Variants in STPG2 observed in about 807,000 individuals in gnomAD.
The protein encoded by STPG2 is sperm tail PG-rich repeat containing 2.
In STPG2, 56 loss-of-function variants were observed where a neutral mutation model predicts 54.2. That is an observed-to-expected ratio of 1.03 (90% CI 0.83 to 1.29). The LOEUF (loss-of-function observed/expected upper bound fraction) is 1.29, where lower values mean the gene tolerates loss of function less well. Ranked by LOEUF, STPG2 falls within the 50% of genes most tolerant of loss-of-function variation. STPG2 has a pLI of 0.00. For missense variants in STPG2, 596 were observed against 544.9 expected (o/e 1.09, Z -0.93); for synonymous variants, 200 against 181.8 (o/e 1.10, Z -0.81).
At chr4:97,706,850 A>G (rs1723959550) in intron 10 of STPG2, among the ~76,000 whole-genome samples, 1 of 152,196 alleles carries the variant, frequency 6.6e-6, no homozygotes, top group Non-Finnish European at 1.5e-5. Context: ...AGAAAATGGA[A>G]ACGATGAATG....
intron 5 of STPG2, among the ~76,000 whole-genome samples, chr4:98,076,049 C>G (rs1738155473): frequency 6.6e-6 from 1 of 152,130 alleles, no homozygotes; most frequent in African/African-American, 2.4e-5. Context: ...TTGAGACCAT[C>G]CTGGCTAACA....
intron 4 of STPG2, among the ~76,000 whole-genome samples, chr4:97,528,413 T>C (rs1324422103): frequency 1.3e-5 from 2 of 152,194 alleles, no homozygotes; most frequent in Admixed American, 1.3e-4. Context: ...CTTTGGAGTA[T>C]AGTTTGAAGT....
chr4:97,444,305 C>A lies in STPG2; in HGVS notation c.463-256472G>T, dbSNP rs201457419. Among the ~76,000 whole-genome samples, 434 of 152,178 alleles carry A rather than the reference C, an allele frequency of 2.9e-3. 3 individuals carry two copies. Among genetic ancestry groups the A allele is most frequent in the African/African-American group, 9.8e-3 (408 of 41,544 alleles). ...CAATCCACACAATCCAGAGTATTAA[C>A]AAACACCAAGGAGAATTGGGGCAGA... On this transcript the variant is annotated intron_variant, in intron 4 of 4. Coordinates refer to the STPG2 transcript ENST00000522676.
chr4:97,849,737 G>C (rs1277275525), intron 8 of STPG2, among the ~76,000 whole-genome samples: 17 of 151,444 alleles, frequency 1.1e-4, no homozygotes, highest in East Asian at 3.9e-4. Flanking sequence ...TCTCACACCA[G>C]TTAGAATGGC....
intron 9 of STPG2, among the ~76,000 whole-genome samples, chr4:97,832,873 A>C (rs886586020): frequency 5.3e-5 from 8 of 152,324 alleles, no homozygotes; most frequent in African/African-American, 1.9e-4. Flanking sequence ...ACACAAATAA[A>C]TGGAAATACA....
At chr4:97,695,828 T>C (rs1016717731) in intron 10 of STPG2, among the ~76,000 whole-genome samples, 4 of 149,574 alleles carry the variant, frequency 2.7e-5, no homozygotes, top group African/African-American at 4.9e-5. Context: ...CAAGGAAAAC[T>C]ACGAAACACT....
chr4:97,787,791 G>T (rs1726870631), intron 9 of STPG2, among the ~76,000 whole-genome samples: 1 of 151,626 alleles, frequency 6.6e-6, no homozygotes, highest in Non-Finnish European at 1.5e-5. Context: ...GAACTACTCA[G>T]ATTTTCTAAT....
intron 4 of STPG2, among the ~76,000 whole-genome samples, chr4:97,522,723 A>G (rs1032148616): frequency 2.0e-5 from 3 of 152,002 alleles, no homozygotes; most frequent in African/African-American, 7.2e-5. Flanking sequence ...GTTGTCTTAC[A>G]TATGGACAAG....
In STPG2 at chr4:97,674,388, T is replaced by A. The variant is rs1159963630; in HGVS notation, c.1320+38311A>T. ...TCATAATATTCAGAATAAGAGGAAG[T>A]AGAAATCTAGGTGGTATTTGGAAAC... On this transcript the variant is annotated intron_variant, in intron 10 of 10. Transcript: ENST00000295268. Among the ~76,000 whole-genome samples the A allele has an allele frequency of 4.6e-5, 7 of 152,324 alleles. No homozygotes were observed. In the South Asian group the frequency reaches 1.4e-3, roughly 32 times the overall value.
At chr4:97,846,747 A>AGT in intron 8 of STPG2, among the ~76,000 whole-genome samples, 1 of 152,108 alleles carries the variant, frequency 6.6e-6, no homozygotes, top group South Asian at 2.1e-4. Context: ...GGCCTGCGAA[A>AGT]ATATGCAGTA....
intron 4 of STPG2, among the ~76,000 whole-genome samples, chr4:97,552,801 C>A: frequency 6.6e-6 from 1 of 152,018 alleles, no homozygotes; most frequent in African/African-American, 2.4e-5. Flanking sequence ...TACAAGAACA[C>A]TTTTTTCAAG....
intron 5 of STPG2, chr4:98,025,714 C>G: frequency 6.9e-7 from 1 of 1,454,250 alleles, no homozygotes; most frequent in Non-Finnish European, 9.5e-7. Context: ...GCAGGCTACT[C>G]AATAGGTTTG....
At chr4:97,496,674 A>G (rs565449653) in intron 4 of STPG2, among the ~76,000 whole-genome samples, 2 of 151,904 alleles carry the variant, frequency 1.3e-5, no homozygotes, top group East Asian at 3.9e-4. Flanking sequence ...AGCTTAGCCC[A>G]TTCTCTCAGA....
intron 5 of STPG2, among the ~76,000 whole-genome samples, chr4:98,092,941 G>C (rs1400338884): frequency 6.6e-6 from 1 of 152,124 alleles, no homozygotes; most frequent in African/African-American, 2.4e-5. Flanking sequence ...GCAAATTTTC[G>C]TATCTTGCCA....
intron 3 of STPG2, among the ~76,000 whole-genome samples, chr4:98,117,892 T>A (rs73832132): frequency 6.2e-4 from 94 of 152,258 alleles, no homozygotes; most frequent in African/African-American, 2.2e-3. Context: ...TTAAAATAGC[T>A]AATTTAAAAA....
intron 9 of STPG2, among the ~76,000 whole-genome samples, chr4:97,794,503 A>G (rs190145047): frequency 2.8e-4 from 43 of 152,300 alleles, no homozygotes; most frequent in African/African-American, 7.9e-4. Flanking sequence ...AAATATTTCA[A>G]AAAGAATAAG....
rs190529088 is a variant in STPG2 at position 97,787,688 on chromosome 4, C to T, written c.1204+53085G>A. On this transcript the variant is annotated intron_variant, in intron 9 of 10. Transcript: ENST00000295268. ...GTCATTTATAAAAAATTAGTAGAATCTCTATTTTTTGCTTCTTAAATGTTT... is the reference window on the plus strand; with the variant it reads ...GTCATTTATAAAAAATTAGTAGAATTTCTATTTTTTGCTTCTTAAATGTTT... Among the ~76,000 whole-genome samples the T allele has an allele frequency of 7.8e-3, 1,182 of 151,786 alleles. 8 individuals carry two copies. Among genetic ancestry groups the T allele is most frequent in the Non-Finnish European group, 0.012 (790 of 67,866 alleles).
intron 10 of STPG2, among the ~76,000 whole-genome samples, chr4:97,663,891 G>A (rs1009275174): frequency 5.9e-5 from 9 of 151,970 alleles, no homozygotes; most frequent in African/African-American, 2.2e-4. Flanking sequence ...ATAATCAAAA[G>A]CATTATGTTA....
At chr4:97,803,076 A>G (rs948050097) in intron 9 of STPG2, among the ~76,000 whole-genome samples, 1 of 152,160 alleles carries the variant, frequency 6.6e-6, no homozygotes, top group Admixed American at 6.5e-5. Flanking sequence ...AAATAAGACT[A>G]TTATTGGAAA....
Sources: gnomAD v4.1 joint callset for allele counts (sites outside exome capture counted in the v4.1 genomes callset) on GRCh38, gnomAD v4.1.1 for gene constraint, MANE v1.5 for transcripts, NCBI Gene and HGNC (gene_info 2026-07-23, HGNC 2026-07-21) for gene names.